Variants in UGT8 observed in about 807,000 individuals in gnomAD.
UGT8 encodes 2-hydroxyacylsphingosine 1-beta-galactosyltransferase.
A neutral mutation model predicts 40.5 loss-of-function variants in UGT8; 12 were observed. The observed-to-expected ratio is 0.30, with a 90% CI of 0.19 to 0.48. The LOEUF (loss-of-function observed/expected upper bound fraction) is 0.48, where lower values mean the gene tolerates loss of function less well. UGT8 is among the 20% of genes least tolerant of loss of function. The pLI is 0.99. For synonymous variants in UGT8, 224 were observed against 240.4 expected (o/e 0.93, Z 0.63); for missense variants, 513 against 648.7 (o/e 0.79, Z 2.27).
chr4:114,676,549 A>C lies in UGT8; in HGVS notation c.*261A>C, dbSNP rs375788297. On this transcript the variant is annotated 3_prime_UTR_variant, in exon 6 of 6. Coordinates refer to ENST00000310836, the MANE Select transcript of UGT8 (RefSeq NM_001128174.3). ...AAGCCTTAATTATTTAAATCAATTC[A>C]GTGACTGTGTCAGACCTTAGTTTTA... 9 of 352,556 alleles carry C rather than the reference A, an allele frequency of 2.6e-5. No individual in the cohort carries two copies. In the East Asian group the frequency reaches 3.3e-4, roughly 13 times the overall value. 21.8% of individuals were successfully genotyped at this position (352,556 alleles called of 1,614,324 possible).
rs184612474 is a variant in UGT8 at position 114,670,112 on chromosome 4, A to T, written c.1262+1808A>T. Among the ~76,000 whole-genome samples the T allele has an allele frequency of 7.0e-4, 107 of 152,168 alleles. 1 individual carries two copies. The highest frequency in any genetic ancestry group is 2.4e-3 in the African/African-American group (100 of 41,432). Reference sequence around the variant, plus strand: ...CTAGAACTGGGAAGAGACACACACAAAAAAGAAAACTTCAGGCCAATATCG... The same window carrying T: ...CTAGAACTGGGAAGAGACACACACATAAAAGAAAACTTCAGGCCAATATCG... On this transcript the variant is annotated intron_variant, in intron 5 of 5. Transcript: ENST00000310836.
At chr4:114,620,711 A>G (rs1359494184) in intron 1 of UGT8, among the ~76,000 whole-genome samples, 3 of 152,174 alleles carry the variant, frequency 2.0e-5, no homozygotes, top group African/African-American at 7.2e-5. Flanking sequence ...GTAGGAGAGG[A>G]AAAAAGCATC....
At chr4:114,647,356 T>TGTG (rs1553934670) in intron 2 of UGT8, among the ~76,000 whole-genome samples, 4 of 143,200 alleles carry the variant, frequency 2.8e-5, no homozygotes, top group East Asian at 2.1e-4. Context: ...ATTAGCTCTT[T>TGTG]TGTGTGTGTG....
intron 2 of UGT8, among the ~76,000 whole-genome samples, chr4:114,635,098 A>G (rs1167435049): frequency 6.6e-6 from 1 of 151,756 alleles, no homozygotes; most frequent in Non-Finnish European, 1.5e-5. Flanking sequence ...TTTGTTTTTT[A>G]AAAACCAATG....
intron 2 of UGT8, among the ~76,000 whole-genome samples, chr4:114,658,498 G>A (rs893515403): frequency 6.6e-6 from 1 of 152,146 alleles, no homozygotes; most frequent in African/African-American, 2.4e-5. Context: ...AAACATGACA[G>A]CCTAGTGTGT....
At chr4:114,660,156 TAAC>T (rs1247428127) in intron 2 of UGT8, among the ~76,000 whole-genome samples, 1 of 152,116 alleles carries the variant, frequency 6.6e-6, no homozygotes, top group Non-Finnish European at 1.5e-5. Flanking sequence ...AGCTTGCTAA[TAAC>T]AGTAAACCCA....
At chr4:114,673,182 T>C (rs907273668) in intron 5 of UGT8, among the ~76,000 whole-genome samples, 1 of 152,134 alleles carries the variant, frequency 6.6e-6, no homozygotes, top group African/African-American at 2.4e-5. Context: ...TTAATCACAC[T>C]ATTTTTTTGC....
intron 1 of UGT8, among the ~76,000 whole-genome samples, chr4:114,613,945 G>A (rs1286061917): frequency 6.6e-6 from 1 of 152,116 alleles, no homozygotes; most frequent in Admixed American, 6.5e-5. Flanking sequence ...GCATTAATTG[G>A]ATACATACTG....
chr4:114,599,011 G>C (rs921760120), intron 1 of UGT8, 37 bp downstream of exon 1: 1 of 151,574 alleles, frequency 6.6e-6, no homozygotes, highest in African/African-American at 2.4e-5. Context: ...GAGGGCGGAA[G>C]GGGGGGCGGT....
At chr4:114,661,873 G>A (rs1734561861) in intron 2 of UGT8, among the ~76,000 whole-genome samples, 1 of 152,130 alleles carries the variant, frequency 6.6e-6, no homozygotes, top group Non-Finnish European at 1.5e-5. Flanking sequence ...TATCAGTAAA[G>A]GCTATATATG....
chr4:114,599,712 G>A (rs926392767), intron 1 of UGT8, among the ~76,000 whole-genome samples: 5 of 152,180 alleles, frequency 3.3e-5, no homozygotes, highest in African/African-American at 1.2e-4. Context: ...GCGCCTGCGG[G>A]CGGGGAGAGA....
chr4:114,627,778 C>A (rs1732329191), intron 2 of UGT8, among the ~76,000 whole-genome samples: 1 of 152,184 alleles, frequency 6.6e-6, no homozygotes, highest in Admixed American at 6.5e-5. Context: ...TGCTCTCTGC[C>A]ACTTTTCAAC....
chr4:114,652,209 A>G (rs1289548460), intron 2 of UGT8, among the ~76,000 whole-genome samples: 1 of 152,080 alleles, frequency 6.6e-6, no homozygotes, highest in Non-Finnish European at 1.5e-5. Flanking sequence ...TTGAATTTCA[A>G]TAGATGGAAG....
At chr4:114,657,508 C>T (rs904645333) in intron 2 of UGT8, among the ~76,000 whole-genome samples, 1 of 152,052 alleles carries the variant, frequency 6.6e-6, no homozygotes, top group Admixed American at 6.6e-5. Flanking sequence ...AGTTTATACC[C>T]TTCTAGATGA....
At chr4:114,606,379 G>A (rs1481025027) in intron 1 of UGT8, among the ~76,000 whole-genome samples, 1 of 152,170 alleles carries the variant, frequency 6.6e-6, no homozygotes, top group East Asian at 1.9e-4. Context: ...TAGGCAGTTA[G>A]TCTAGGGGCT....
intron 1 of UGT8, among the ~76,000 whole-genome samples, chr4:114,609,401 A>G (rs1222033578): frequency 6.6e-6 from 1 of 152,250 alleles, no homozygotes; most frequent in Admixed American, 6.5e-5. Flanking sequence ...AGGTCATTAT[A>G]TTCTTTTAAT....
At chr4:114,648,625 G>T (rs1271369303) in intron 2 of UGT8, among the ~76,000 whole-genome samples, 1 of 152,084 alleles carries the variant, frequency 6.6e-6, no homozygotes, top group Non-Finnish European at 1.5e-5. Flanking sequence ...GTAGATTAAT[G>T]CCTATGCAAT....
chr4:114,612,352 C>T (rs980312361), intron 1 of UGT8, among the ~76,000 whole-genome samples: 1 of 152,060 alleles, frequency 6.6e-6, no homozygotes, highest in African/African-American at 2.4e-5. Flanking sequence ...GCCAAAAACC[C>T]TTAGTCCTAG....
intron 2 of UGT8, among the ~76,000 whole-genome samples, chr4:114,654,351 G>A (rs1734051059): frequency 6.6e-6 from 1 of 151,908 alleles, no homozygotes; most frequent in African/African-American, 2.4e-5. Flanking sequence ...TTCCATTTAT[G>A]ACTCTTGAGA....
Sources: allele counts gnomAD v4.1 joint callset (sites outside exome capture counted in the v4.1 genomes callset), GRCh38; gene constraint gnomAD v4.1.1; transcripts MANE v1.5; gene names NCBI Gene and HGNC (gene_info 2026-07-23, HGNC 2026-07-21).